Variants in OSBPL3 observed in about 807,000 individuals in gnomAD.
OSBPL3 encodes oxysterol-binding protein-related protein 3.
In OSBPL3, 65 loss-of-function variants were observed where a neutral mutation model predicts 120.1. The ratio of observed to expected loss-of-function variants is 0.54; its 90% confidence interval spans 0.44 to 0.67. The LOEUF is 0.67. OSBPL3 is among the 30% of genes least tolerant of loss of function. OSBPL3 has a pLI of 0.00. For missense variants in OSBPL3, 1,004 were observed against 1,082.1 expected (o/e 0.93, Z 1.01); for synonymous variants, 416 against 402.6 (o/e 1.03, Z -0.40).
chr7:24,926,592 T>C lies in OSBPL3; in HGVS notation c.-149-33971A>G, dbSNP rs531158502. ...TTCTCTACAGACTATCTCCACACCT[T>C]TGTAGCAGCCATGCCCACCCTTACT... On this transcript the variant is annotated intron_variant, in intron 1 of 22. Coordinates refer to ENST00000313367, the MANE Select transcript of OSBPL3 (RefSeq NM_015550.4). 8.5e-5 allele frequency among the ~76,000 whole-genome samples: 13 copies of C among 152,244 alleles called. No homozygotes were observed. In the South Asian group the frequency reaches 2.7e-3, roughly 32 times the overall value.
chr7:24,925,461 G>T (rs189247014), intron 1 of OSBPL3, among the ~76,000 whole-genome samples: 3 of 152,296 alleles, frequency 2.0e-5, no homozygotes, highest in East Asian at 1.9e-4. Context: ...TTCCTTGCTG[G>T]TTCTTATTTA....
At chr7:24,905,170 C>T (rs2128396429) in intron 1 of OSBPL3, among the ~76,000 whole-genome samples, 1 of 144,590 alleles carries the variant, frequency 6.9e-6, no homozygotes, top group African/African-American at 2.4e-5. Context: ...GGAAACTCTT[C>T]ACAAAGCATC....
chr7:24,846,984 C>T (rs1338456851), intron 12 of OSBPL3, among the ~76,000 whole-genome samples: 6 of 149,274 alleles, frequency 4.0e-5, no homozygotes, highest in East Asian at 2.0e-4. Context: ...GGCGTGAACC[C>T]GGGAGGCGGA....
rs763791030 is a variant in OSBPL3, at chr7:24,953,922, G to T, written c.-150+25964C>A. Among the ~76,000 whole-genome samples the T allele has an allele frequency of 1.3e-5, 2 of 152,182 alleles. No individual in the cohort carries two copies. The highest frequency in any genetic ancestry group is 2.9e-5 in the Non-Finnish European group (2 of 68,040). The stretch of plus-strand genomic sequence containing the variant: ...TAATCCTTATGGTAATCATCACAAT[G>T]ATGATCAACAGTCTGGAACACTTTC... On this transcript the variant is annotated intron_variant, in intron 1 of 22. Transcript: ENST00000313367. The surrounding 1 kb of genome is among the most constrained non-coding windows in gnomAD (Gnocchi z 4.3).
At chr7:24,944,015 T>C (rs527676480) in intron 1 of OSBPL3, among the ~76,000 whole-genome samples, 84 of 144,746 alleles carry the variant, frequency 5.8e-4, no homozygotes, top group African/African-American at 2.0e-3. Flanking sequence ...AAGTAGTCAA[T>C]AATTTCCTTT....
At position 24,799,458 on chromosome 7, in the gene OSBPL3, A is replaced by G. The variant is rs553166523; in HGVS notation, c.*725T>C. The G allele has an allele frequency of 6.6e-6, 1 of 152,300 alleles. No homozygotes were observed. The highest frequency in any genetic ancestry group is 2.4e-5 in the African/African-American group (1 of 41,570). The allele number at this position is 152,300 out of a possible 1,614,324, so 9.4% of individuals were successfully genotyped here. On this transcript the variant is annotated 3_prime_UTR_variant, in exon 23 of 23. Coordinates refer to ENST00000313367, the MANE Select transcript of OSBPL3 (RefSeq NM_015550.4). The surrounding 1 kb of genome is among the most constrained non-coding windows in gnomAD (Gnocchi z 5.3). ...CTCTGGGATGCTATTGTGATATTTAATTAATTGGAATTCTTTTCTCTTATG... is the reference window on the plus strand; with the variant it reads ...CTCTGGGATGCTATTGTGATATTTAGTTAATTGGAATTCTTTTCTCTTATG...
At chr7:24,902,372 A>G (rs1304789766) in intron 1 of OSBPL3, among the ~76,000 whole-genome samples, 1 of 152,196 alleles carries the variant, frequency 6.6e-6, no homozygotes, top group Non-Finnish European at 1.5e-5. Context: ...TCTTTCTGCA[A>G]CTGGCTTATT....
At position 24,800,416 on chromosome 7, in the gene OSBPL3, A is replaced by C. The variant is rs978397000; in HGVS notation, c.2568-137T>G. ...AGCGTCCCAGAGTGTTGGGACCGGG[A>C]ATTCTGGGAATTAGATGTCCAGAAA... is the stretch of plus-strand genomic sequence containing the variant. On this transcript the variant is annotated intron_variant, in intron 22 of 22. Coordinates refer to ENST00000313367, the MANE Select transcript of OSBPL3 (RefSeq NM_015550.4). 8 of 511,582 alleles carry C rather than the reference A, an allele frequency of 1.6e-5. No individual in the cohort carries two copies. The Admixed American group carries it at 2.7e-4, about 17-fold the overall frequency. The allele number at this position is 511,582 out of a possible 1,614,324, so 31.7% of individuals were successfully genotyped here.
chr7:24,979,550 G>A (rs555100109), intron 1 of OSBPL3, among the ~76,000 whole-genome samples: 9 of 152,162 alleles, frequency 5.9e-5, no homozygotes, highest in South Asian at 2.1e-4. Context: ...GCGCCTCCCC[G>A]CTGCCCAGGA....
At position 24,972,873 on chromosome 7, in the gene OSBPL3, T is replaced by C. The variant is rs1817183621; in HGVS notation, c.-150+7013A>G. Reference sequence around the variant, plus strand: ...GATGTAAACTATAATTTTAAAGTTCTTGTAACTATTACAATATTTGATATC... The same window carrying C: ...GATGTAAACTATAATTTTAAAGTTCCTGTAACTATTACAATATTTGATATC... On this transcript the variant is annotated intron_variant, in intron 1 of 22. Coordinates refer to ENST00000313367, the MANE Select transcript of OSBPL3 (RefSeq NM_015550.4). The surrounding 1 kb of genome is among the most constrained non-coding windows in gnomAD (Gnocchi z 4.3). Among the ~76,000 whole-genome samples, 2 of 152,216 alleles carry C rather than the reference T, an allele frequency of 1.3e-5. No homozygotes were observed. Among genetic ancestry groups the C allele is most frequent in the South Asian group, 4.1e-4 (2 of 4,830 alleles).
At chr7:24,934,576 C>T (rs1180342993) in intron 1 of OSBPL3, among the ~76,000 whole-genome samples, 3 of 152,116 alleles carry the variant, frequency 2.0e-5, no homozygotes, top group African/African-American at 7.2e-5. Context: ...GCAAGCTGAT[C>T]TTCTCAAAAT....
In OSBPL3 at chr7:24,932,363, A is replaced by G. The variant is rs1811890206; in HGVS notation, c.-149-39742T>C. On this transcript the variant is annotated intron_variant, in intron 1 of 22. Coordinates refer to ENST00000313367, the MANE Select transcript of OSBPL3 (RefSeq NM_015550.4). The surrounding 1 kb of genome is among the most constrained non-coding windows in gnomAD (Gnocchi z 5.6). ...TGAGATAGGTTAGAATGCAAGAGCAAGAGAACACCACCAACACAAACCAGG... is the reference window on the plus strand; with the variant it reads ...TGAGATAGGTTAGAATGCAAGAGCAGGAGAACACCACCAACACAAACCAGG... Among the ~76,000 whole-genome samples, 1 of 152,196 alleles carries G rather than the reference A, an allele frequency of 6.6e-6. No homozygotes were observed. Among genetic ancestry groups the G allele is most frequent in the South Asian group, 2.1e-4 (1 of 4,830 alleles).
At chr7:24,931,756 GAAAAA>G (rs374913343) in intron 1 of OSBPL3, among the ~76,000 whole-genome samples, 5 of 143,524 alleles carry the variant, frequency 3.5e-5, no homozygotes, top group African/African-American at 7.7e-5. Context: ...TTTCCTAAAA[GAAAAA>G]AAAAAGGAAG....
rs1238473904 is a variant in OSBPL3 at position 24,930,286 on chromosome 7, A to G, written c.-149-37665T>C. On this transcript the variant is annotated intron_variant, in intron 1 of 22. Coordinates refer to ENST00000313367, the MANE Select transcript of OSBPL3 (RefSeq NM_015550.4). This position sits in a 1 kb window ranked among gnomAD's most constrained non-coding sequence, Gnocchi z 4.4. ...ACTAAAATAAAAAAAATGTGCAAAT[A>G]AAACATCTGGTGTTTGTAGGAATAC... 1.3e-5 allele frequency among the ~76,000 whole-genome samples: 2 copies of G among 152,210 alleles called. No individual in the cohort carries two copies. Among genetic ancestry groups the G allele is most frequent in the Non-Finnish European group, 2.9e-5 (2 of 68,034 alleles).
chr7:24,839,318 T>C (rs1256514372), intron 14 of OSBPL3, among the ~76,000 whole-genome samples: 1 of 152,200 alleles, frequency 6.6e-6, no homozygotes. Context: ...CAGATTCTTT[T>C]TAAGGGCACC....
chr7:24,838,348 T>C (rs994261957), intron 14 of OSBPL3, among the ~76,000 whole-genome samples: 1 of 151,816 alleles, frequency 6.6e-6, no homozygotes, highest in Non-Finnish European at 1.5e-5. Context: ...TACAAAAAAT[T>C]AGCTGGGCAT....
rs1401220885 is a variant in OSBPL3 at position 24,900,225 on chromosome 7, C to G, written c.-149-7604G>C. ...AAGTTCTCCAGGTGACCTGAATGCA[C>G]AAGTCCAAAACCACTGCCACAGGTT... On this transcript the variant is annotated intron_variant, in intron 1 of 22. Transcript: ENST00000313367. The surrounding 1 kb of genome is among the most constrained non-coding windows in gnomAD (Gnocchi z 4.5). Among the ~76,000 whole-genome samples, 1 of 152,186 alleles carries G rather than the reference C, an allele frequency of 6.6e-6. No individual in the cohort carries two copies. The highest frequency in any genetic ancestry group is 1.5e-5 in the Non-Finnish European group (1 of 68,026).
chr7:24,845,483 G>T, intron 12 of OSBPL3, among the ~76,000 whole-genome samples: 1 of 143,194 alleles, frequency 7.0e-6, no homozygotes, highest in African/African-American at 2.6e-5. Context: ...GTGAATTATG[G>T]CCTTTTTCCA....
rs560823873 is a variant in OSBPL3 at position 24,932,629 on chromosome 7, C to A, written c.-149-40008G>T. 2.0e-5 allele frequency among the ~76,000 whole-genome samples: 3 copies of A among 152,152 alleles called. No individual in the cohort carries two copies. The highest frequency in any genetic ancestry group is 2.9e-5 in the Non-Finnish European group (2 of 68,022). On this transcript the variant is annotated intron_variant, in intron 1 of 22. Transcript: ENST00000313367. This position sits in a 1 kb window ranked among gnomAD's most constrained non-coding sequence, Gnocchi z 5.6. Reference sequence around the variant, plus strand: ...ACCCTGTGAGCACACAGCAAAAAGGCACTGTCTACCAACCAAAAAACGAGC... The same window carrying A: ...ACCCTGTGAGCACACAGCAAAAAGGAACTGTCTACCAACCAAAAAACGAGC...
Sources: allele counts gnomAD v4.1 joint callset (sites outside exome capture counted in the v4.1 genomes callset), GRCh38; gene constraint gnomAD v4.1.1; non-coding constraint Gnocchi (gnomAD v3.1); transcripts MANE v1.5; gene names NCBI Gene and HGNC (gene_info 2026-07-23, HGNC 2026-07-21).